Variants in TADA1 observed in about 807,000 individuals in gnomAD.
The protein encoded by TADA1 is transcriptional adaptor 1, also known as transcriptional adapter 1.
Under a neutral mutation model 39.3 loss-of-function variants are expected in TADA1, and 23 were observed. The observed-to-expected ratio is 0.58, with a 90% CI of 0.42 to 0.83. The LOEUF is 0.83. TADA1 is among the 40% of genes least tolerant of loss of function. The probability of loss-of-function intolerance (pLI) is 0.00; values close to 1 mark genes in which losing one functional copy is unlikely to be tolerated. For synonymous variants in TADA1, 137 were observed against 151.8 expected, an observed-to-expected ratio of 0.90 and a Z score of 0.72; for missense variants, 352 against 408.1, an observed-to-expected ratio of 0.86 and a Z score of 1.18.
rs537888449 is a variant in TADA1, at chr1:166,871,891, C to T, written c.75-2037G>A. Among the ~76,000 whole-genome samples, 3 of 152,194 alleles carry T rather than the reference C, an allele frequency of 2.0e-5. No individual in the cohort carries two copies. The South Asian group carries it at 6.2e-4, about 32-fold the overall frequency. On this transcript the variant is annotated intron_variant, in intron 1 of 7. Coordinates refer to ENST00000367874, the MANE Select transcript of TADA1 (RefSeq NM_053053.4). ...GAGAAAAACTCTATTATTTAAAAGT[C>T]CTATGTCAGTATTTTATAAGAAGCA...
chr1:166,870,429 A>G (rs1658631010), intron 1 of TADA1, among the ~76,000 whole-genome samples: 1 of 152,198 alleles, frequency 6.6e-6, no homozygotes, highest in Non-Finnish European at 1.5e-5. Flanking sequence ...GAGAAAATAA[A>G]TTTCTGTTGT....
chr1:166,859,983 C>G (rs1658369340), intron 6 of TADA1, among the ~76,000 whole-genome samples: 1 of 152,226 alleles, frequency 6.6e-6, no homozygotes, highest in Non-Finnish European at 1.5e-5. Flanking sequence ...AAGCCAAACT[C>G]TGCAACTTCA....
At position 166,862,415 on chromosome 1, in the gene TADA1, A is replaced by G. The variant is rs749184079; in HGVS notation, c.331-3T>C. 1.2e-6 allele frequency: 2 copies of G among 1,613,344 alleles called. No individual in the cohort carries two copies. The highest frequency in any genetic ancestry group is 2.7e-5 in the African/African-American group (2 of 74,852). On this transcript the variant is annotated splice_region_variant and splice_polypyrimidine_tract_variant and intron_variant, in intron 4 of 7. Transcript: ENST00000367874. ...GGATTTTGAGGCTGGAATCTATGCT[A>G]TGAGTAAGAAAAACTTTTTAAAATT...
intron 6 of TADA1, 123 bp from the exon 7 acceptor site, chr1:166,858,404 ACTCCTGTAGACAT>A (rs2101785287): frequency 1.6e-6 from 1 of 612,766 alleles, no homozygotes; most frequent in East Asian, 3.3e-5. Flanking sequence ...TTCAATGTCT[ACTCCTGTAGACAT>A]GAATAATCTG....
intron 1 of TADA1, among the ~76,000 whole-genome samples, chr1:166,871,355 GA>G (rs986673207): frequency 4.6e-5 from 7 of 151,092 alleles, no homozygotes; most frequent in East Asian, 3.9e-4. Context: ...TTCCTAACAG[GA>G]AAAAAAAATC....
rs750464773 is a variant in TADA1 at position 166,857,625 on chromosome 1, T to C, written c.950A>G (p.Gln317Arg). Reference protein sequence around the residue: ...KLWHPNHEELQQDKVHRQRLA... With the variant: ...KLWHPNHEELRQDKVHRQRLA... ...GCGCTGGCGGTGAACTTTGTCTTGC[T>C]GCAGCTCTTCATGATTTGGATGCCA... The change falls in exon 8 of 8, where the codon CAG (glutamine) becomes CGG (arginine). Residue 317 changes from glutamine (Q) to arginine (R), a missense_variant. By Grantham distance (43) the Gln-to-Arg change is conservative. This residue lies in a region of TADA1 where 285 missense variants were observed against 310.9 expected (regional missense o/e 0.92). Coordinates refer to ENST00000367874, the MANE Select transcript of TADA1 (RefSeq NM_053053.4). The C allele has an allele frequency of 4.3e-6, 7 of 1,614,114 alleles. No homozygotes were observed. The highest frequency in any genetic ancestry group is 5.9e-6 in the Non-Finnish European group (7 of 1,180,050).
chr1:166,873,726 CTT>C, intron 1 of TADA1, among the ~76,000 whole-genome samples: 1 of 152,324 alleles, frequency 6.6e-6, no homozygotes, highest in South Asian at 2.1e-4. Flanking sequence ...ATAAAAATCT[CTT>C]TTGATTGCAT....
At chr1:166,865,770 G>A (rs548446165) in intron 3 of TADA1, among the ~76,000 whole-genome samples, 1 of 151,546 alleles carries the variant, frequency 6.6e-6, no homozygotes, top group African/African-American at 2.4e-5. Context: ...AGTGAGCCGA[G>A]AAAGCACCAC....
chr1:166,873,196 A>G (rs1055036870), intron 1 of TADA1, among the ~76,000 whole-genome samples: 7 of 152,152 alleles, frequency 4.6e-5, no homozygotes, highest in Admixed American at 2.0e-4. Context: ...ACTTGAGCCC[A>G]GGAGGTGGAG....
chr1:166,866,359 C>T (rs1658535636), intron 3 of TADA1, among the ~76,000 whole-genome samples: 1 of 152,170 alleles, frequency 6.6e-6, no homozygotes, highest in Admixed American at 6.5e-5. Context: ...AACAGGCTAA[C>T]ACCTACCATG....
chr1:166,863,788 T>C (rs2101789538), intron 4 of TADA1, 36 bp downstream of exon 4: 1 of 1,580,648 alleles, frequency 6.3e-7, no homozygotes, highest in South Asian at 1.1e-5. Flanking sequence ...ACTACTTCAA[T>C]CAGTCATTAT....
At chr1:166,868,178 G>A (rs1233599153) in intron 3 of TADA1, among the ~76,000 whole-genome samples, 1 of 152,164 alleles carries the variant, frequency 6.6e-6, no homozygotes, top group Middle Eastern at 3.2e-3. Context: ...AGTTTTCAAT[G>A]TATTTAATTA....
rs770856934 is a variant in TADA1 at position 166,876,165 on chromosome 1, C to G, written c.69G>C (p.Val23=). Residue 23 remains valine (V), a synonymous_variant, in exon 1 of 8, where the codon GTG becomes GTC. Transcript: ENST00000367874. ...TGTGCTAGGGCAGCTCTTACTGTTT[C>G]ACGTTGTCCCCCAGGGCCTCGCTTA... is the stretch of plus-strand genomic sequence containing the variant. ...KNLSEALGDN[V]KQYWANLKLW... is the part of the protein sequence containing the mutation. 2 of 1,613,354 alleles carry G rather than the reference C, an allele frequency of 1.2e-6. No individual in the cohort carries two copies. The highest frequency in any genetic ancestry group is 8.5e-7 in the Non-Finnish European group (1 of 1,179,784).
At chr1:166,860,903 A>G (rs1658394540) in intron 5 of TADA1, among the ~76,000 whole-genome samples, 1 of 152,196 alleles carries the variant, frequency 6.6e-6, no homozygotes, top group African/African-American at 2.4e-5. Flanking sequence ...TTCTGACCTC[A>G]GGTGACCCGC....
intron 1 of TADA1, among the ~76,000 whole-genome samples, chr1:166,874,233 C>T (rs1658717273): frequency 6.6e-6 from 1 of 151,448 alleles, no homozygotes; most frequent in African/African-American, 2.4e-5. Flanking sequence ...CCCAGCTACT[C>T]AGGAGGCTGA....
Position 166,858,429 on chromosome 1 carries a change from A to C in TADA1, c.693-148T>G, listed in dbSNP as rs987493293. On this transcript the variant is annotated intron_variant, in intron 6 of 7. Transcript: ENST00000367874. ...ACTCCTGTAGACATGAATAATCTGT[A>C]ATTTTAATTTTTAAAGGCTGGAAAT... The C allele has an allele frequency of 2.5e-5, 13 of 512,400 alleles. No individual in the cohort carries two copies. The Admixed American group carries it at 3.1e-4, about 12-fold the overall frequency. 31.7% of individuals were successfully genotyped at this position (512,400 alleles called of 1,614,324 possible).
rs532470966 is a variant in TADA1, at chr1:166,858,153, G to A, written c.821C>T (p.Pro274Leu). 1.6e-5 allele frequency: 26 copies of A among 1,614,152 alleles called. No homozygotes were observed. Among genetic ancestry groups the A allele is most frequent in the East Asian group, 4.5e-5 (2 of 44,886 alleles). ...TTCAAAAAGATCGTACATGTTCACCGGAGGCAAAGATGCAGGTAGAGTGTC... is the reference window on the plus strand; with the variant it reads ...TTCAAAAAGATCGTACATGTTCACCAGAGGCAAAGATGCAGGTAGAGTGTC... ...SGDTLPASLP[P>L]VNMYDLFEAL... Residue 274 changes from proline to leucine, a missense_variant, in exon 7 of 8, where the codon CCG (proline) becomes CTG (leucine). Transcript: ENST00000367874.
chr1:166,869,370 C>T, intron 3 of TADA1, 75 bp downstream of exon 3: 2 of 1,228,522 alleles, frequency 1.6e-6, no homozygotes, highest in Non-Finnish European at 2.4e-6. Flanking sequence ...CAAACACTAG[C>T]TGTGTCTATT....
At chr1:166,861,885 T>C (rs145681907) in intron 5 of TADA1, among the ~76,000 whole-genome samples, 718 of 151,788 alleles carry the variant, frequency 4.7e-3, no homozygotes, top group African/African-American at 0.017. Context: ...GAGACCCCCA[T>C]CCCTAAAAAA....
Sources: gnomAD v4.1 joint callset for allele counts (sites outside exome capture counted in the v4.1 genomes callset) on GRCh38, gnomAD v4.1.1 for gene constraint, gnomAD v4.1.1 regional missense constraint, MANE v1.5 for transcripts, NCBI Gene and HGNC (gene_info 2026-07-23, HGNC 2026-07-21) for gene names.